The following PRDX1 variants were observed in gnomAD, a reference collection of about 807,000 sequenced individuals.
PRDX1 encodes peroxiredoxin-1.
A neutral mutation model predicts 20.7 loss-of-function variants in PRDX1; 19 were observed. The observed-to-expected ratio is 0.92, with a 90% CI of 0.64 to 1.35. PRDX1 has a LOEUF of 1.35. Ranked by LOEUF, PRDX1 falls within the 40% of genes most tolerant of loss-of-function variation. The pLI, the probability that PRDX1 is intolerant of heterozygous loss-of-function variation, is 0.00. For missense variants in PRDX1, 226 were observed against 240.0 expected (o/e 0.94, Z 0.38); for synonymous variants, 89 against 83.9 (o/e 1.06, Z -0.33).
At position 45,511,314 on chromosome 1, in the gene PRDX1, A is replaced by G. The variant is rs1260992175; in HGVS notation, c.*15T>C. 2 of 1,595,790 alleles carry G rather than the reference A, an allele frequency of 1.3e-6. No individual in the cohort carries two copies. The highest frequency in any genetic ancestry group is 2.3e-5 in the South Asian group (2 of 88,310). ...TGGCTGCCCACCGCAGCCTGGCACT[A>G]AAACAGCCCAGCGCTCACTTCTGCT... On this transcript the variant is annotated 3_prime_UTR_variant, in exon 6 of 6. Coordinates refer to ENST00000319248, the MANE Select transcript of PRDX1 (RefSeq NM_181697.3).
Position 45,511,413 on chromosome 1 carries a change from C to A in PRDX1, c.516G>T (p.Val172=). ...TGCCAGGTTTCCAGCCAGCTGGGCA[C>A]ACTGCAAGAGAAAGGCACCACTAAT... ...AFQFTDKHGE[V]CPAGWKPGSD... is the part of the protein sequence containing the mutation. Residue 172 remains valine, a splice_region_variant and synonymous_variant, in exon 6 of 6, where the codon GTG becomes GTT. Coordinates refer to ENST00000319248, the MANE Select transcript of PRDX1 (RefSeq NM_181697.3). 1 of 1,612,444 alleles carries A rather than the reference C, an allele frequency of 6.2e-7. No individual in the cohort carries two copies. Among genetic ancestry groups the A allele is most frequent in the Non-Finnish European group, 8.5e-7 (1 of 1,179,186 alleles).
At position 45,517,133 on chromosome 1, in the gene PRDX1, C is replaced by A. The variant is rs1339403946; in HGVS notation, c.107-1326G>T. ...CCCTTCCAGCTTTGCCTAACAAGCA[C>A]TTTGGGGCCTCAGCAGGTCAAGCTC... On this transcript the variant is annotated intron_variant, in intron 2 of 5. Transcript: ENST00000319248. Among the ~76,000 whole-genome samples, 8 of 152,092 alleles carry A rather than the reference C, an allele frequency of 5.3e-5. No homozygotes were observed. The South Asian group carries it at 6.2e-4, about 12-fold the overall frequency.
rs201158696 is a variant in PRDX1, at chr1:45,515,690, C to T, written c.224G>A (p.Gly75Asp). ...EFKKLNCQVIGASVDSHFCHL... is the reference protein window; with the variant it reads ...EFKKLNCQVIDASVDSHFCHL... The stretch of plus-strand genomic sequence containing the variant: ...ACAGAAGTGAGAATCCACAGAAGCA[C>T]CAATCACTTGGCAGTTGAGTTTCTT... The change falls in exon 3 of 6, where the codon GGT becomes GAT. Residue 75 changes from glycine to aspartate, a missense_variant. Coordinates refer to ENST00000319248, the MANE Select transcript of PRDX1 (RefSeq NM_181697.3). 1 of 1,604,822 alleles carries T rather than the reference C, an allele frequency of 6.2e-7. No individual in the cohort carries two copies. The highest frequency in any genetic ancestry group is 1.4e-5 in the African/African-American group (1 of 74,034).
chr1:45,519,504 A>G (rs1643889299), intron 1 of PRDX1, among the ~76,000 whole-genome samples: 1 of 152,246 alleles, frequency 6.6e-6, no homozygotes, highest in South Asian at 2.1e-4. Context: ...ACCTGCCTTC[A>G]TAACATCAGA....
Position 45,511,364 on chromosome 1 carries a change from G to A in PRDX1, c.565C>T (p.Gln189Ter). The change falls in exon 6 of 6, where the codon CAA becomes TAA. Residue 189 changes from glutamine to a stop codon, truncating the protein, a stop_gained. Transcript: ENST00000319248. LOFTEE classifies it high-confidence loss of function. ...PGSDTIKPDV[Q>*]KSKEYFSKQK ...TTGGAGAAATATTCTTTGCTCTTTT[G>A]GACATCAGGCTTGATGGTATCACTG... 1 of 1,613,014 alleles carries A rather than the reference G, an allele frequency of 6.2e-7. No homozygotes were observed. The highest frequency in any genetic ancestry group is 8.5e-7 in the Non-Finnish European group (1 of 1,179,594).
In PRDX1 at chr1:45,520,638, G is replaced by C. The variant is rs1344121388; in HGVS notation, c.-12+1191C>G. On this transcript the variant is annotated intron_variant, in intron 1 of 5. Transcript: ENST00000319248. ...ACTCGGGAGGCTGAGGCAGGAGAAT[G>C]GCGTGAACCCGGGAGGCGGAGGCTG... Among the ~76,000 whole-genome samples, 3 of 149,994 alleles carry C rather than the reference G, an allele frequency of 2.0e-5. No individual in the cohort carries two copies. The Admixed American group carries it at 2.0e-4, about 10-fold the overall frequency.
chr1:45,511,631 C>A (rs1001973766), intron 5 of PRDX1: 6 of 388,236 alleles, frequency 1.5e-5, no homozygotes, highest in Non-Finnish European at 2.7e-5. Context: ...CTAATTTATT[C>A]ATGTAGCACT....
chr1:45,521,331 G>A (rs1022573839), intron 1 of PRDX1, among the ~76,000 whole-genome samples: 2 of 152,148 alleles, frequency 1.3e-5, no homozygotes, highest in African/African-American at 2.4e-5. Context: ...GGGACATTTG[G>A]GCTCATCGCT....
At chr1:45,521,028 G>A (rs1421344363) in intron 1 of PRDX1, among the ~76,000 whole-genome samples, 1 of 152,194 alleles carries the variant, frequency 6.6e-6, no homozygotes, top group Non-Finnish European at 1.5e-5. Flanking sequence ...ACTTTTAACT[G>A]TTTTTTAAAA....
At position 45,511,060 on chromosome 1, in the gene PRDX1, A is replaced by C. The variant is rs1384947898; in HGVS notation, c.*269T>G. 2 of 307,162 alleles carry C rather than the reference A, an allele frequency of 6.5e-6. No individual in the cohort carries two copies. The highest frequency in any genetic ancestry group is 1.0e-4 in the Admixed American group (2 of 19,884). 19.0% of individuals were successfully genotyped at this position (307,162 alleles called of 1,614,324 possible). A position where few individuals can be genotyped will look rare whatever the true frequency, so the allele number is the denominator to read the frequency against. The stretch of plus-strand genomic sequence containing the variant: ...TAAAGACTCATCAAGGTCTCAGTTC[A>C]AGTTTAATACAAACTACAAAAGATT... On this transcript the variant is annotated 3_prime_UTR_variant, in exon 6 of 6. Transcript: ENST00000319248.
intron 2 of PRDX1, among the ~76,000 whole-genome samples, chr1:45,518,674 T>C (rs191720071): frequency 2.4e-4 from 37 of 151,676 alleles, no homozygotes; most frequent in African/African-American, 8.5e-4. Flanking sequence ...AGAAAGAAAA[T>C]AGACGAGGAA....
chr1:45,514,765 G>A (rs1003262165), intron 4 of PRDX1, 108 bp downstream of exon 4: 2 of 1,564,860 alleles, frequency 1.3e-6, no homozygotes, highest in African/African-American at 2.7e-5. Flanking sequence ...TAGTGAGGAG[G>A]CCCCTGCATA....
intron 5 of PRDX1, chr1:45,512,190 A>T (rs757825500): frequency 2.9e-5 from 4 of 136,932 alleles, no homozygotes; most frequent in Non-Finnish European, 6.0e-5. Context: ...GGTTCAAGCG[A>T]TTCTCCTGCA....
chr1:45,511,215 C>G lies in PRDX1; in HGVS notation c.*114G>C. 1 of 913,514 alleles carries G rather than the reference C, an allele frequency of 1.1e-6. No homozygotes were observed. The highest frequency in any genetic ancestry group is 1.7e-6 in the Non-Finnish European group (1 of 600,026). 56.6% of individuals were successfully genotyped at this position (913,514 alleles called of 1,614,324 possible). On this transcript the variant is annotated 3_prime_UTR_variant, in exon 6 of 6. Coordinates refer to ENST00000319248, the MANE Select transcript of PRDX1 (RefSeq NM_181697.3). ...TAGGAAAGGCCTGCCTTGTAAGACA[C>G]CACAATTCGGCTGAATCTGAAGTCT... is the stretch of plus-strand genomic sequence containing the variant.
intron 1 of PRDX1, among the ~76,000 whole-genome samples, chr1:45,519,323 C>G (rs1643888096): frequency 6.6e-6 from 1 of 152,206 alleles, no homozygotes; most frequent in Non-Finnish European, 1.5e-5. Flanking sequence ...ACTGAGATAA[C>G]CTCTCATTCT....
At chr1:45,519,428 A>C (rs1334389892) in intron 1 of PRDX1, among the ~76,000 whole-genome samples, 1 of 152,226 alleles carries the variant, frequency 6.6e-6, no homozygotes, top group African/African-American at 2.4e-5. Context: ...CCAAATGCAC[A>C]ATGCCACAAA....
chr1:45,511,278 T>C lies in PRDX1; in HGVS notation c.*51A>G. 2 of 1,425,696 alleles carry C rather than the reference T, an allele frequency of 1.4e-6. No individual in the cohort carries two copies. The allele number at this position is 1,425,696 out of a possible 1,614,324, so 88.3% of individuals were successfully genotyped here. On this transcript the variant is annotated 3_prime_UTR_variant, in exon 6 of 6. Coordinates refer to ENST00000319248, the MANE Select transcript of PRDX1 (RefSeq NM_181697.3). The stretch of plus-strand genomic sequence containing the variant: ...ATGGAAAAAAAAAATACAGAAGAGG[T>C]TTTGTTCTCATGGCTGCCCACCGCA...
At chr1:45,518,280 T>C (rs901782714) in intron 2 of PRDX1, among the ~76,000 whole-genome samples, 13 of 151,596 alleles carry the variant, frequency 8.6e-5, no homozygotes, top group Admixed American at 2.0e-4. Context: ...CTGACCACCA[T>C]GGAGAAACCC....
chr1:45,520,999 T>C (rs1178922695), intron 1 of PRDX1, among the ~76,000 whole-genome samples: 1 of 152,198 alleles, frequency 6.6e-6, no homozygotes, highest in Non-Finnish European at 1.5e-5. Flanking sequence ...AGAAATTTTG[T>C]AAGCATGGAT....
Sources: allele counts gnomAD v4.1 joint callset (sites outside exome capture counted in the v4.1 genomes callset), GRCh38; gene constraint gnomAD v4.1.1; transcripts MANE v1.5; gene names NCBI Gene and HGNC (gene_info 2026-07-23, HGNC 2026-07-21).